The following WDPCP variants were observed in gnomAD, a reference collection of about 807,000 sequenced individuals.
WDPCP encodes WD repeat containing planar cell polarity effector.
WDPCP carries 71 observed loss-of-function variants against 93.1 expected under a neutral mutation model. The observed-to-expected ratio is 0.76, with a 90% CI of 0.63 to 0.93. WDPCP has a LOEUF of 0.93. Among genes scored for constraint, WDPCP ranks in the 40% least tolerant of loss-of-function variants. The probability of loss-of-function intolerance (pLI) is 0.00; values close to 1 mark genes in which losing one functional copy is unlikely to be tolerated. For missense variants in WDPCP, 844 were observed against 887.4 expected, an observed-to-expected ratio of 0.95 and a Z score of 0.62; for synonymous variants, 315 against 315.0, an observed-to-expected ratio of 1.00 and a Z score of 0.00.
chr2:63,753,876 G>A (rs933068589), intron 2 of WDPCP, among the ~76,000 whole-genome samples: 2 of 152,182 alleles, frequency 1.3e-5, no homozygotes, highest in Non-Finnish European at 2.9e-5. Context: ...TCAGTTTTAT[G>A]GAAGTAGGTA....
intron 17 of WDPCP, among the ~76,000 whole-genome samples, chr2:63,140,926 T>G (rs1333346564): frequency 6.6e-6 from 1 of 152,198 alleles, no homozygotes; most frequent in Non-Finnish European, 1.5e-5. Flanking sequence ...TTTTCCCCAT[T>G]CAGTATCACG....
chr2:63,354,945 T>C (rs1689902725), intron 12 of WDPCP, among the ~76,000 whole-genome samples: 1 of 152,132 alleles, frequency 6.6e-6, no homozygotes. Context: ...TGGGATTATG[T>C]AAAGAGGCCA....
intron 1 of WDPCP, among the ~76,000 whole-genome samples, chr2:63,555,934 C>G (rs1417052882): frequency 6.6e-6 from 1 of 152,102 alleles, no homozygotes; most frequent in African/African-American, 2.4e-5. Context: ...AATAAAAAAG[C>G]CAGAGTGCCT....
chr2:63,446,841 C>T (rs564303541), intron 6 of WDPCP, among the ~76,000 whole-genome samples: 37 of 152,350 alleles, frequency 2.4e-4, no homozygotes, highest in Non-Finnish European at 4.7e-4. Flanking sequence ...ATTCTCTGCT[C>T]ACCAATCAGC....
chr2:63,283,523 C>T (rs887338808), intron 13 of WDPCP, among the ~76,000 whole-genome samples: 5 of 152,160 alleles, frequency 3.3e-5, no homozygotes, highest in African/African-American at 7.2e-5. Context: ...TACATATTGC[C>T]GATGGCTGTT....
At chr2:63,295,982 A>G (rs1262499837) in intron 13 of WDPCP, among the ~76,000 whole-genome samples, 1 of 152,062 alleles carries the variant, frequency 6.6e-6, no homozygotes, top group Non-Finnish European at 1.5e-5. Flanking sequence ...CAAAGACACA[A>G]CAAATATTCC....
In WDPCP at chr2:63,583,191, C is replaced by G. The variant is rs77315331; in HGVS notation, c.75+5006G>C. Among the ~76,000 whole-genome samples the G allele has an allele frequency of 3.8e-3, 581 of 152,070 alleles. 4 individuals carry two copies. The highest frequency in any genetic ancestry group is 0.013 in the African/African-American group (542 of 41,486). Reference sequence around the variant, plus strand: ...TGGTATAATATCACTTGAAAATACACTATGATAAAGGATGTATGCTATAAA... The same window carrying G: ...TGGTATAATATCACTTGAAAATACAGTATGATAAAGGATGTATGCTATAAA... On this transcript the variant is annotated intron_variant, in intron 1 of 17. Coordinates refer to ENST00000272321, the MANE Select transcript of WDPCP (RefSeq NM_015910.7).
intron 6 of WDPCP, among the ~76,000 whole-genome samples, chr2:63,468,248 C>A (rs780465636): frequency 6.6e-6 from 1 of 152,174 alleles, no homozygotes; most frequent in Non-Finnish European, 1.5e-5. Context: ...CTGCTCCCTT[C>A]TTCATCATCT....
chr2:63,354,719 T>C (rs1689885645), intron 12 of WDPCP, among the ~76,000 whole-genome samples: 1 of 151,534 alleles, frequency 6.6e-6, no homozygotes, highest in East Asian at 1.9e-4. Flanking sequence ...TATGTATGTG[T>C]GTGTGTGTGT....
chr2:63,313,886 A>ATATGTGTGTGTGTATATATATATATATT lies in WDPCP; in HGVS notation c.1749-576_1749-575insAATATATATATATATACACACACACATA. On this transcript the variant is annotated intron_variant, in intron 12 of 17. Coordinates refer to ENST00000272321, the MANE Select transcript of WDPCP (RefSeq NM_015910.7). ...TATATATATATATATATATATATAT[A>ATATGTGTGTGTGTATATATATATATATT]TTTTTTTTTTTTTGGAGATGGAGTC... Among the ~76,000 whole-genome samples the ATATGTGTGTGTGTATATATATATATATT allele has an allele frequency of 1.9e-4, 14 of 74,502 alleles. 2 individuals are homozygous for ATATGTGTGTGTGTATATATATATATATT. The highest frequency in any genetic ancestry group is 1.5e-3 in the East Asian group (4 of 2,586). 48.9% of individuals were successfully genotyped at this position (74,502 alleles called of 152,430 possible). A position where few individuals can be genotyped will look rare whatever the true frequency, so the allele number is the denominator to read the frequency against.
intron 3 of WDPCP, among the ~76,000 whole-genome samples, chr2:63,644,458 G>A (rs1008808166): frequency 6.6e-6 from 1 of 151,988 alleles, no homozygotes; most frequent in South Asian, 2.1e-4. Context: ...TGGCCAGGCT[G>A]GTCTTGAACT....
At chr2:63,474,997 G>T (rs1190801553) in intron 6 of WDPCP, among the ~76,000 whole-genome samples, 1 of 152,012 alleles carries the variant, frequency 6.6e-6, no homozygotes, top group Non-Finnish European at 1.5e-5. Flanking sequence ...TCTGCCTTAA[G>T]CATGTCTGTT....
At chr2:63,622,127 G>C (rs1423480706) in intron 3 of WDPCP, 18 of 1,461,038 alleles carry the variant, frequency 1.2e-5, no homozygotes, top group Non-Finnish European at 1.7e-5. Flanking sequence ...AGGGAGGGCA[G>C]AGGGGCTAAG....
chr2:63,188,751 GTTA>G (rs1327605219), intron 14 of WDPCP, among the ~76,000 whole-genome samples: 1 of 152,052 alleles, frequency 6.6e-6, no homozygotes, highest in Non-Finnish European at 1.5e-5. Context: ...CTTTATGAGA[GTTA>G]TTATAAATTC....
chr2:63,187,501 G>A (rs1347078306), intron 14 of WDPCP, among the ~76,000 whole-genome samples: 1 of 152,016 alleles, frequency 6.6e-6, no homozygotes, highest in Non-Finnish European at 1.5e-5. Context: ...GCATTGTATG[G>A]ATATTTTGTG....
intron 3 of WDPCP, chr2:63,622,066 C>CTTTTTTTTTTTTTTTTTTTTTT: frequency 1.9e-6 from 1 of 528,492 alleles, no homozygotes; most frequent in South Asian, 3.0e-5. Context: ...TTTCTTTTTT[C>CTTTTTTTTTTTTTTTTTTTTTT]TTTTTTTTTT....
intron 14 of WDPCP, among the ~76,000 whole-genome samples, chr2:63,199,241 A>T (rs1221553231): frequency 1.3e-5 from 2 of 152,222 alleles, no homozygotes; most frequent in African/African-American, 4.8e-5. Flanking sequence ...CAGCCTGACC[A>T]TGTGGTAGAA....
chr2:63,472,840 G>A (rs1430495121), intron 6 of WDPCP, among the ~76,000 whole-genome samples: 3 of 152,304 alleles, frequency 2.0e-5, no homozygotes, highest in African/African-American at 4.8e-5. Context: ...GATTACAGGC[G>A]TGAGCCGCCG....
chr2:63,407,182 G>A (rs1177456860), intron 9 of WDPCP, among the ~76,000 whole-genome samples: 3 of 152,088 alleles, frequency 2.0e-5, no homozygotes, highest in African/African-American at 7.2e-5. Flanking sequence ...TCATAAAGGT[G>A]ACCTGAAAGA....
Sources: allele counts gnomAD v4.1 joint callset (sites outside exome capture counted in the v4.1 genomes callset), GRCh38; gene constraint gnomAD v4.1.1; transcripts MANE v1.5; gene names NCBI Gene and HGNC (gene_info 2026-07-23, HGNC 2026-07-21).